The following ADARB2 variants were observed in gnomAD, a reference collection of about 807,000 sequenced individuals.
ADARB2 encodes adenosine deaminase RNA specific B2 (inactive), also known as inactive double-stranded RNA-specific editase B2.
In ADARB2, 25 loss-of-function variants were observed where a neutral mutation model predicts 62.2. That is an observed-to-expected ratio of 0.40 (90% CI 0.29 to 0.56). The LOEUF is 0.56. ADARB2 is among the 20% of genes least tolerant of loss of function. The pLI is 0.43. For synonymous variants in ADARB2, 572 were observed against 500.8 expected (o/e 1.14, Z -1.90); for missense variants, 1,071 against 1,077.4 (o/e 0.99, Z 0.08).
intron 1 of ADARB2, among the ~76,000 whole-genome samples, chr10:1,670,672 T>C (rs1834372765): frequency 6.6e-6 from 1 of 152,210 alleles, no homozygotes; most frequent in African/African-American, 2.4e-5. Flanking sequence ...GCTCAACGCT[T>C]ACTGTCGCTC....
intron 1 of ADARB2, among the ~76,000 whole-genome samples, chr10:1,386,835 A>G (rs1832529454): frequency 6.6e-6 from 1 of 151,934 alleles, no homozygotes; most frequent in Admixed American, 6.6e-5. Context: ...AACACTGTAT[A>G]GAGTATTTGC....
At chr10:1,310,153 A>G (rs140230365) in intron 3 of ADARB2, among the ~76,000 whole-genome samples, 2 of 152,262 alleles carry the variant, frequency 1.3e-5, no homozygotes, top group East Asian at 3.9e-4. Context: ...AATGGGGCCT[A>G]TTTTGGACCG....
In ADARB2 at chr10:1,667,611, A is replaced by G. The variant is rs1303418478; in HGVS notation, c.100+69440T>C. ...CTGAATATTCAAAGGGGTGTTTACC[A>G]TAATTGGAGGATGCTTGACAGTTTA... On this transcript the variant is annotated intron_variant, in intron 1 of 9. Coordinates refer to ENST00000381312, the MANE Select transcript of ADARB2 (RefSeq NM_018702.4). 2.6e-5 allele frequency among the ~76,000 whole-genome samples: 4 copies of G among 152,322 alleles called. No individual in the cohort carries two copies. The East Asian group carries it at 5.8e-4, about 22-fold the overall frequency.
chr10:1,718,723 G>A (rs1027862716), intron 1 of ADARB2, among the ~76,000 whole-genome samples: 3 of 152,096 alleles, frequency 2.0e-5, no homozygotes, highest in African/African-American at 7.2e-5. Context: ...GACAGGCAGA[G>A]GCCAGGCCCC....
At chr10:1,614,568 G>A (rs1394981637) in intron 1 of ADARB2, among the ~76,000 whole-genome samples, 2 of 152,208 alleles carry the variant, frequency 1.3e-5, no homozygotes, top group Non-Finnish European at 2.9e-5. Flanking sequence ...ATGAGTATTA[G>A]CAGAGAGAGG....
intron 4 of ADARB2, among the ~76,000 whole-genome samples, chr10:1,260,785 AG>A (rs1467254028): frequency 8.2e-6 from 1 of 121,772 alleles, no homozygotes; most frequent in African/African-American, 2.7e-5. Context: ...CTTTCTTCAC[AG>A]AATTGGAAAA....
In ADARB2 at chr10:1,683,287, T is replaced by C. The variant is rs1301858495; in HGVS notation, c.100+53764A>G. Among the ~76,000 whole-genome samples, 12 of 152,292 alleles carry C rather than the reference T, an allele frequency of 7.9e-5. No homozygotes were observed. In the East Asian group the frequency reaches 1.9e-3, roughly 24 times the overall value. On this transcript the variant is annotated intron_variant, in intron 1 of 9. Coordinates refer to ENST00000381312, the MANE Select transcript of ADARB2 (RefSeq NM_018702.4). ...ATCTTATTTCTGAGAACTTTAAAAA[T>C]GTGCTTCATAAGGAATCCAACTGAC...
chr10:1,381,839 T>A (rs1186194411), intron 1 of ADARB2, among the ~76,000 whole-genome samples: 1 of 151,718 alleles, frequency 6.6e-6, no homozygotes, highest in Admixed American at 6.6e-5. Flanking sequence ...GTCCATGGGG[T>A]GAGGGGAGAA....
chr10:1,647,761 GTGTA>G (rs1216633326), intron 1 of ADARB2, among the ~76,000 whole-genome samples: 1 of 151,540 alleles, frequency 6.6e-6, no homozygotes, highest in Non-Finnish European at 1.5e-5. Context: ...TGTATATGTT[GTGTA>G]TGTGTGGTGT....
At chr10:1,623,567 C>T (rs919935253) in intron 1 of ADARB2, among the ~76,000 whole-genome samples, 3 of 152,212 alleles carry the variant, frequency 2.0e-5, no homozygotes, top group African/African-American at 2.4e-5. Flanking sequence ...CGCCTCTGGC[C>T]GCCTTCCCAG....
chr10:1,182,209 C>T lies in ADARB2; in HGVS notation c.*984G>A, dbSNP rs1403622502. On this transcript the variant is annotated 3_prime_UTR_variant, in exon 10 of 10. Coordinates refer to ENST00000381312, the MANE Select transcript of ADARB2 (RefSeq NM_018702.4). ...TTTAGTTAAAAAATCAGAATTTGAT[C>T]AAAGACTTGGTCTCCTTATTACCTG... 1 of 152,254 alleles carries T rather than the reference C, an allele frequency of 6.6e-6. No homozygotes were observed. The highest frequency in any genetic ancestry group is 2.4e-5 in the African/African-American group (1 of 41,460). 9.4% of individuals were successfully genotyped at this position (152,254 alleles called of 1,614,324 possible).
At chr10:1,412,193 G>A (rs779986674) in intron 1 of ADARB2, among the ~76,000 whole-genome samples, 27 of 152,118 alleles carry the variant, frequency 1.8e-4, no homozygotes, top group Non-Finnish European at 2.8e-4. Context: ...GGTTCGGAGC[G>A]TGCTGCATCC....
chr10:1,483,332 CT>C (rs1831499857), intron 1 of ADARB2, among the ~76,000 whole-genome samples: 1 of 152,188 alleles, frequency 6.6e-6, no homozygotes. Context: ...AGCTCCAGGT[CT>C]TTTGGGATCT....
chr10:1,589,231 C>T (rs1296517123), intron 1 of ADARB2, among the ~76,000 whole-genome samples: 1 of 152,222 alleles, frequency 6.6e-6, no homozygotes, highest in Non-Finnish European at 1.5e-5. Flanking sequence ...CTGATACTTT[C>T]ATATGGGAAC....
intron 1 of ADARB2, among the ~76,000 whole-genome samples, chr10:1,615,744 C>T (rs1035968779): frequency 3.3e-4 from 51 of 152,312 alleles, no homozygotes; most frequent in African/African-American, 1.2e-3. Flanking sequence ...TGAGGCTGTT[C>T]CCAGGACACT....
intron 1 of ADARB2, among the ~76,000 whole-genome samples, chr10:1,540,315 CAGTCT>C (rs1296674059): frequency 2.6e-5 from 4 of 152,024 alleles, no homozygotes; most frequent in Non-Finnish European, 5.9e-5. Flanking sequence ...AAAATAAACT[CAGTCT>C]ATGCCACCGA....
chr10:1,287,542 GCCTTTCT>G (rs1316250412), intron 3 of ADARB2, among the ~76,000 whole-genome samples: 1 of 152,148 alleles, frequency 6.6e-6, no homozygotes, highest in Non-Finnish European at 1.5e-5. Context: ...CCTGGTAACT[GCCTTTCT>G]CCTCTCCATT....
intron 2 of ADARB2, among the ~76,000 whole-genome samples, chr10:1,366,814 A>C (rs558455801): frequency 7.8e-4 from 119 of 152,368 alleles, no homozygotes; most frequent in African/African-American, 2.8e-3. Context: ...TGTCCCAGGC[A>C]AGAACACACA....
At chr10:1,274,515 C>A (rs2131801022) in intron 3 of ADARB2, among the ~76,000 whole-genome samples, 1 of 152,178 alleles carries the variant, frequency 6.6e-6, no homozygotes. Context: ...GCTTGTCCAG[C>A]ACAGGAGGCC....
Sources: allele counts gnomAD v4.1 joint callset (sites outside exome capture counted in the v4.1 genomes callset), GRCh38; gene constraint gnomAD v4.1.1; transcripts MANE v1.5; gene names NCBI Gene and HGNC (gene_info 2026-07-23, HGNC 2026-07-21).